The following SMC3 variants were observed in gnomAD, a reference collection of about 807,000 sequenced individuals.
SMC3 encodes structural maintenance of chromosomes protein 3.
A neutral mutation model predicts 171.8 loss-of-function variants in SMC3; 20 were observed. The ratio of observed to expected loss-of-function variants is 0.12; its 90% CI spans 0.08 to 0.17. SMC3 has a LOEUF of 0.17. SMC3 is among the 10% of genes least tolerant of loss of function. The pLI, the probability that SMC3 is intolerant of heterozygous loss-of-function variation, is 1.00. For synonymous variants in SMC3, 464 were observed against 451.1 expected, an observed-to-expected ratio of 1.03 and a Z score of -0.36; for missense variants, 543 against 1,420.4, an observed-to-expected ratio of 0.38 and a Z score of 9.93.
At chr10:110,596,270 AG>A in intron 18 of SMC3, 127 bp from the exon 19 acceptor site, 2 of 742,354 alleles carry the variant, frequency 2.7e-6, no homozygotes, top group Non-Finnish European at 4.1e-6. Context: ...AAATTTTTTC[AG>A]GGTGGTTTAA....
intron 6 of SMC3, 148 bp downstream of exon 6, chr10:110,578,062 C>A: frequency 1.6e-6 from 1 of 638,372 alleles, no homozygotes; most frequent in Non-Finnish European, 2.8e-6. Context: ...ACATGAGCCA[C>A]CACGCCCAGC....
intron 2 of SMC3, among the ~76,000 whole-genome samples, chr10:110,570,428 T>C (rs961612494): frequency 4.8e-4 from 3 of 6,238 alleles, no homozygotes; most frequent in African/African-American, 5.3e-4. Context: ...AAAGAAGGCA[T>C]ACTTTTTTTT....
intron 20 of SMC3, among the ~76,000 whole-genome samples, chr10:110,599,196 C>T (rs1256179658): frequency 2.6e-5 from 4 of 152,142 alleles, no homozygotes; most frequent in Non-Finnish European, 5.9e-5. Context: ...TTCCTGGGTT[C>T]AAGCAATTCT....
intron 12 of SMC3, 52 bp from the exon 13 acceptor site, chr10:110,584,131 T>G: frequency 2.6e-6 from 4 of 1,563,892 alleles, no homozygotes; most frequent in Non-Finnish European, 3.5e-6. Flanking sequence ...TGGTTGCAAT[T>G]AAACTTGGTT....
chr10:110,584,439 G>A lies in SMC3; in HGVS notation c.1305+43G>A, dbSNP rs201177636. On this transcript the variant is annotated intron_variant, in intron 13 of 28. Transcript: ENST00000361804. ...TGCTTTGTAAAAATCTTTCAGAAGAGATAAATGTGTTTAGTTTTATCTACT... is the reference window on the plus strand; with the variant it reads ...TGCTTTGTAAAAATCTTTCAGAAGAAATAAATGTGTTTAGTTTTATCTACT... 2.2e-5 allele frequency: 31 copies of A among 1,401,486 alleles called. No homozygotes were observed. In the East Asian group the frequency reaches 2.5e-4, roughly 11 times the overall value. 86.8% of individuals were successfully genotyped at this position (1,401,486 alleles called of 1,614,324 possible). A position where few individuals can be genotyped will look rare whatever the true frequency, so the allele number is the denominator to read the frequency against.
intron 25 of SMC3, 81 bp downstream of exon 25, chr10:110,602,259 C>A: frequency 7.5e-7 from 1 of 1,332,580 alleles, no homozygotes; most frequent in Non-Finnish European, 1.1e-6. Context: ...GATTTTAAAG[C>A]TGTTTTCCTC....
Position 110,573,562 on chromosome 10 carries a change from TTTC to T in SMC3, c.92-142_92-140del. 9.4e-6 allele frequency: 4 copies of T among 424,040 alleles called. No homozygotes were observed. In the South Asian group the frequency reaches 1.0e-4, roughly 11 times the overall value. The allele number at this position is 424,040 out of a possible 1,614,324, so 26.3% of individuals were successfully genotyped here. On this transcript the variant is annotated intron_variant, in intron 2 of 28. Coordinates refer to ENST00000361804, the MANE Select transcript of SMC3 (RefSeq NM_005445.4). ...TTGGTGATTATAGTTGTTTTATTGGTTTCTTTTGTTCACTGTTTAATTTCAGAT... is the reference window on the plus strand; with the variant it reads ...TTGGTGATTATAGTTGTTTTATTGGTTTTTGTTCACTGTTTAATTTCAGAT...
chr10:110,595,348 C>T (rs897687991), intron 18 of SMC3, among the ~76,000 whole-genome samples: 1 of 152,094 alleles, frequency 6.6e-6, no homozygotes, highest in African/African-American at 2.4e-5. Flanking sequence ...AGAAAAGTTC[C>T]ATTTTCTGGA....
At chr10:110,576,475 G>A (rs1415239084) in intron 4 of SMC3, among the ~76,000 whole-genome samples, 1 of 152,138 alleles carries the variant, frequency 6.6e-6, no homozygotes, top group Non-Finnish European at 1.5e-5. Flanking sequence ...AAAAAAATAT[G>A]AGTAATGGAC....
At position 110,601,178 on chromosome 10, in the gene SMC3, A is replaced by C. The variant is rs11195213; in HGVS notation, c.2644+48A>C. 3 of 1,295,958 alleles carry C rather than the reference A, an allele frequency of 2.3e-6. No homozygotes were observed. In the African/African-American group the frequency reaches 4.4e-5, roughly 19 times the overall value. The allele number at this position is 1,295,958 out of a possible 1,614,324, so 80.3% of individuals were successfully genotyped here. On this transcript the variant is annotated intron_variant, in intron 23 of 28. Coordinates refer to ENST00000361804, the MANE Select transcript of SMC3 (RefSeq NM_005445.4). ...TTTGTTTATATGCATGTTTTATAAA[A>C]TTGTTTACTACAGAATGAAATGTCC...
chr10:110,568,894 T>A, intron 1 of SMC3, 44 bp from the exon 2 acceptor site: 1 of 1,129,940 alleles, frequency 8.9e-7, no homozygotes, highest in Non-Finnish European at 1.4e-6. Flanking sequence ...AAATGTTAAT[T>A]TTTTTTGTGG....
intron 13 of SMC3, among the ~76,000 whole-genome samples, chr10:110,587,689 GAAAAA>G (rs34378467): frequency 0.032 from 3,015 of 94,280 alleles, 110 homozygotes; most frequent in African/African-American, 0.097. Flanking sequence ...CCGTCTCAAA[GAAAAA>G]AAAAAAAAAA....
chr10:110,600,741 C>T (rs534011085), intron 22 of SMC3, among the ~76,000 whole-genome samples, 195 bp downstream of exon 22: 1 of 152,130 alleles, frequency 6.6e-6, no homozygotes, highest in African/African-American at 2.4e-5. Context: ...GCCTCAGTTT[C>T]TTGTGTGAAT....
rs1390047706 is a variant in SMC3 at position 110,568,191 on chromosome 10, G to T, written c.15+360G>T. 6 of 410,758 alleles carry T rather than the reference G, an allele frequency of 1.5e-5. No individual in the cohort carries two copies. The East Asian group carries it at 3.1e-4, about 21-fold the overall frequency. The allele number at this position is 410,758 out of a possible 1,614,324, so 25.4% of individuals were successfully genotyped here. On this transcript the variant is annotated intron_variant, in intron 1 of 28. Coordinates refer to ENST00000361804, the MANE Select transcript of SMC3 (RefSeq NM_005445.4). ...GCCGGGGCGGCCGCGGGCGGGAAGG[G>T]CTGTGTGGTCCTGCAGGGGTGGCCT...
intron 9 of SMC3, 26 bp from the exon 10 acceptor site, chr10:110,582,536 A>G: frequency 1.3e-6 from 2 of 1,539,226 alleles, no homozygotes; most frequent in Non-Finnish European, 1.8e-6. Context: ...AATGAGTTAG[A>G]TATGATAAGT....
At chr10:110,586,953 G>A (rs183497272) in intron 13 of SMC3, among the ~76,000 whole-genome samples, 26 of 152,290 alleles carry the variant, frequency 1.7e-4, no homozygotes, top group Middle Eastern at 3.4e-3. Flanking sequence ...CACCGCGCCC[G>A]GTGTAAATAG....
intron 13 of SMC3, among the ~76,000 whole-genome samples, chr10:110,587,642 C>T (rs1861142405): frequency 6.7e-6 from 1 of 150,246 alleles, no homozygotes; most frequent in African/African-American, 2.5e-5. Flanking sequence ...GCCAAGATTG[C>T]ACCACTGCAC....
In SMC3 at chr10:110,577,927, C is replaced by A; in HGVS notation, c.350+13C>A. On this transcript the variant is annotated intron_variant, in intron 6 of 28. Transcript: ENST00000361804. ...AGAAGATGGTCACGTAAGCATTTTT[C>A]TTTTTTTTAAAAAAACTGAATATGT... 1 of 1,580,732 alleles carries A rather than the reference C, an allele frequency of 6.3e-7. No homozygotes were observed. Among genetic ancestry groups the A allele is most frequent in the Non-Finnish European group, 8.7e-7 (1 of 1,150,398 alleles).
intron 17 of SMC3, 97 bp from the exon 18 acceptor site, chr10:110,592,976 T>C: frequency 9.6e-7 from 1 of 1,037,338 alleles, no homozygotes; most frequent in Non-Finnish European, 1.5e-6. Flanking sequence ...TAATGGTGTT[T>C]ATGGTTTATT....
Sources: allele counts gnomAD v4.1 joint callset (sites outside exome capture counted in the v4.1 genomes callset), GRCh38; gene constraint gnomAD v4.1.1; transcripts MANE v1.5; gene names NCBI Gene and HGNC (gene_info 2026-07-23, HGNC 2026-07-21).